SUGCT: variants seen among roughly 807,000 people sequenced by gnomAD.
SUGCT encodes succinyl-CoA:glutarate CoA-transferase.
In SUGCT, 41 loss-of-function variants were observed where a neutral mutation model predicts 55.0. That is an observed-to-expected ratio of 0.74 (90% CI 0.58 to 0.97). The LOEUF (loss-of-function observed/expected upper bound fraction) is 0.97. Among genes scored for constraint, SUGCT ranks in the 50% least tolerant of loss-of-function variants. SUGCT has a pLI of 0.00. For synonymous variants in SUGCT, 187 were observed against 200.4 expected (o/e 0.93, Z 0.56); for missense variants, 568 against 547.8 (o/e 1.04, Z -0.37).
intron 1 of SUGCT, among the ~76,000 whole-genome samples, chr7:40,168,555 G>A (rs1481428050): frequency 6.6e-6 from 1 of 152,032 alleles, no homozygotes; most frequent in African/African-American, 2.4e-5. Context: ...AAAGTGCAGG[G>A]GATTATTTCT....
chr7:40,548,899 T>A (rs1159043046), intron 12 of SUGCT, among the ~76,000 whole-genome samples: 1 of 152,200 alleles, frequency 6.6e-6, no homozygotes, highest in Non-Finnish European at 1.5e-5. Context: ...AAGGGAAGTA[T>A]CATATTTTAT....
intron 12 of SUGCT, among the ~76,000 whole-genome samples, chr7:40,663,522 T>TGC (rs1443486519): frequency 6.6e-6 from 1 of 150,566 alleles, no homozygotes; most frequent in Non-Finnish European, 1.5e-5. Context: ...TGTGTGTGTG[T>TGC]ATCATTACTT....
intron 12 of SUGCT, among the ~76,000 whole-genome samples, chr7:40,654,886 A>C (rs1429916689): frequency 6.6e-6 from 1 of 152,186 alleles, no homozygotes; most frequent in African/African-American, 2.4e-5. Flanking sequence ...AGTGGGGGAA[A>C]ATAGACAATA....
In SUGCT at chr7:40,659,804, T is replaced by A. The variant is rs977599561; in HGVS notation, c.1090-89630T>A. On this transcript the variant is annotated intron_variant, in intron 12 of 13. Coordinates refer to ENST00000335693, the MANE Select transcript of SUGCT (RefSeq NM_001193313.2). ...ACTTGACTTGGGGTGAGGGACACCA[T>A]CACTTTCTCCTCCTTAGATATACTC... Among the ~76,000 whole-genome samples, 3 of 152,188 alleles carry A rather than the reference T, an allele frequency of 2.0e-5. 1 individual carries two copies. In the East Asian group the frequency reaches 5.8e-4, roughly 29 times the overall value.
At chr7:40,538,547 T>C (rs1794496926) in intron 12 of SUGCT, 1 of 152,214 alleles carries the variant, frequency 6.6e-6, no homozygotes, top group Admixed American at 6.5e-5. Context: ...TTCTGTCCTC[T>C]AAGTTTCTGG....
chr7:40,635,857 A>G (rs1800000329), intron 12 of SUGCT, among the ~76,000 whole-genome samples: 1 of 152,228 alleles, frequency 6.6e-6, no homozygotes, highest in African/African-American at 2.4e-5. Context: ...AAGACTGTTG[A>G]TTCCTTCCTA....
the SUGCT span, among the ~76,000 whole-genome samples, chr7:40,954,583 C>T: frequency 4.6e-5 from 7 of 152,178 alleles, no homozygotes; most frequent in Middle Eastern, 3.4e-3. Flanking sequence ...CCTATTTGGC[C>T]GTCTTGGAAC....
the SUGCT span, among the ~76,000 whole-genome samples, chr7:40,890,286 AT>A: frequency 1.2e-4 from 16 of 135,966 alleles, no homozygotes; most frequent in East Asian, 4.1e-4. Context: ...TTAAATATTT[AT>A]ATTATATAAT....
At chr7:40,297,914 A>G (rs1009527607) in intron 8 of SUGCT, among the ~76,000 whole-genome samples, 3 of 152,134 alleles carry the variant, frequency 2.0e-5, no homozygotes, top group African/African-American at 7.2e-5. Context: ...AATTTATATT[A>G]AGAATCTAAG....
chr7:40,632,084 C>T (rs1799814487), intron 12 of SUGCT, among the ~76,000 whole-genome samples: 1 of 152,146 alleles, frequency 6.6e-6, no homozygotes, highest in African/African-American at 2.4e-5. Context: ...TCTCCAGGGC[C>T]TGGAAATGGT....
intron 12 of SUGCT, among the ~76,000 whole-genome samples, chr7:40,677,660 T>C (rs969065088): frequency 3.3e-5 from 5 of 152,214 alleles, no homozygotes; most frequent in African/African-American, 1.2e-4. Context: ...CACTTCTGGC[T>C]ACAAGAGAGG....
chr7:40,703,481 A>G (rs542162328), intron 12 of SUGCT, among the ~76,000 whole-genome samples: 4 of 152,204 alleles, frequency 2.6e-5, no homozygotes, highest in South Asian at 4.2e-4. Flanking sequence ...TACATACTCA[A>G]ACTTCTTTGG....
chr7:40,907,537 A>G, the SUGCT span, among the ~76,000 whole-genome samples: 3 of 152,192 alleles, frequency 2.0e-5, no homozygotes, highest in Non-Finnish European at 4.4e-5. Context: ...TTTTATATGC[A>G]TTGCCTCATC....
In SUGCT at chr7:40,180,539, G is replaced by A. The variant is rs1480080292; in HGVS notation, c.101-408G>A. Among the ~76,000 whole-genome samples the A allele has an allele frequency of 6.6e-5, 10 of 151,708 alleles. 1 individual carries two copies. In the East Asian group the frequency reaches 9.7e-4, roughly 15 times the overall value. ...GAGCCTTGCTCTGTCGCCCAGGCTG[G>A]AGTGCAGCGGCATGATCTCAACTCA... On this transcript the variant is annotated intron_variant, in intron 1 of 13. Coordinates refer to ENST00000335693, the MANE Select transcript of SUGCT (RefSeq NM_001193313.2).
chr7:40,899,152 C>A, the SUGCT span, among the ~76,000 whole-genome samples: 9 of 152,184 alleles, frequency 5.9e-5, no homozygotes, highest in Non-Finnish European at 1.3e-4. Context: ...CTCTTCCTCT[C>A]GCTTTGCTCC....
At chr7:40,532,566 G>T (rs1246574547) in intron 12 of SUGCT, among the ~76,000 whole-genome samples, 3 of 151,242 alleles carry the variant, frequency 2.0e-5, no homozygotes, top group Middle Eastern at 3.2e-3. Context: ...GTGTGTGTGT[G>T]TGTATTTGCT....
At chr7:40,670,268 A>C (rs1029424823) in intron 12 of SUGCT, among the ~76,000 whole-genome samples, 1 of 151,810 alleles carries the variant, frequency 6.6e-6, no homozygotes, top group Non-Finnish European at 1.5e-5. Flanking sequence ...AAAGCAGAGC[A>C]AAATAAAACA....
At chr7:40,452,471 G>A (rs1324271837) in intron 10 of SUGCT, among the ~76,000 whole-genome samples, 1 of 152,250 alleles carries the variant, frequency 6.6e-6, no homozygotes, top group East Asian at 1.9e-4. Flanking sequence ...TGTCTGGGGT[G>A]AGGTAGAGGA....
intron 3 of SUGCT, among the ~76,000 whole-genome samples, chr7:40,187,294 G>A (rs1176736219): frequency 6.6e-6 from 1 of 152,120 alleles, no homozygotes; most frequent in Non-Finnish European, 1.5e-5. Context: ...GTGGGGTGTG[G>A]GGAGTGGGGA....
Sources: allele counts gnomAD v4.1 joint callset (sites outside exome capture counted in the v4.1 genomes callset), GRCh38; gene constraint gnomAD v4.1.1; transcripts MANE v1.5; gene names NCBI Gene and HGNC (gene_info 2026-07-23, HGNC 2026-07-21).